Variants in ANKDD1B observed in about 807,000 individuals in gnomAD.
The protein encoded by ANKDD1B is ankyrin repeat and death domain-containing protein 1B.
Under a neutral mutation model 59.7 loss-of-function variants are expected in ANKDD1B, and 57 were observed. That is an observed-to-expected ratio of 0.95 (90% CI 0.77 to 1.19). ANKDD1B has a LOEUF of 1.19. Ranked by LOEUF, ANKDD1B falls within the 50% of genes most tolerant of loss-of-function variation. The pLI is 0.00. For missense variants in ANKDD1B, 602 were observed against 641.9 expected, an observed-to-expected ratio of 0.94 and a Z score of 0.67; for synonymous variants, 216 against 239.5, an observed-to-expected ratio of 0.90 and a Z score of 0.91.
chr5:75,670,760 T>A lies in ANKDD1B; in HGVS notation c.1526-219T>A, dbSNP rs569031944. Among the ~76,000 whole-genome samples the A allele has an allele frequency of 1.1e-4, 17 of 152,332 alleles. No homozygotes were observed. The East Asian group carries it at 2.9e-3, about 26-fold the overall frequency. ...GTATGTGTTCTGACGCAAGGCTGTG[T>A]GAGCTCACTCTTGAACTCCAAAGCT... On this transcript the variant is annotated intron_variant, in intron 13 of 13. Coordinates refer to ENST00000601380, the MANE Select transcript of ANKDD1B (RefSeq NM_001276713.2).
chr5:75,653,492 G>A (rs1243342472), intron 8 of ANKDD1B, among the ~76,000 whole-genome samples: 1 of 152,150 alleles, frequency 6.6e-6, no homozygotes, highest in Non-Finnish European at 1.5e-5. Context: ...ATTTGTATTT[G>A]CCGCAAAAAA....
intron 7 of ANKDD1B, among the ~76,000 whole-genome samples, chr5:75,648,180 C>A (rs1292694412): frequency 9.2e-6 from 1 of 108,816 alleles, no homozygotes; most frequent in Non-Finnish European, 1.8e-5. Context: ...TGCGGCGCAC[C>A]AGCATGGCAC....
chr5:75,632,647 A>T (rs1057087653), intron 5 of ANKDD1B, among the ~76,000 whole-genome samples: 3 of 152,170 alleles, frequency 2.0e-5, no homozygotes, highest in Non-Finnish European at 4.4e-5. Context: ...TCAGGTAACA[A>T]GTGCTCTTTT....
intron 5 of ANKDD1B, among the ~76,000 whole-genome samples, chr5:75,627,790 A>T (rs1399727238): frequency 6.6e-6 from 1 of 152,202 alleles, no homozygotes; most frequent in Admixed American, 6.5e-5. Flanking sequence ...GGGAAGGATC[A>T]GGCAGGCTGA....
chr5:75,638,757 T>C (rs1040058369), intron 7 of ANKDD1B, among the ~76,000 whole-genome samples: 6 of 152,166 alleles, frequency 3.9e-5, no homozygotes, highest in Non-Finnish European at 7.4e-5. Flanking sequence ...CAACTGAGAT[T>C]ACAGGTGTGA....
intron 2 of ANKDD1B, 92 bp downstream of exon 2, chr5:75,616,999 A>T (rs1257208456): frequency 1.6e-6 from 1 of 607,336 alleles, no homozygotes; most frequent in Non-Finnish European, 2.8e-6. Flanking sequence ...AATAAAAATC[A>T]TGGTGCTGGC....
chr5:75,663,283 C>T lies in ANKDD1B; in HGVS notation c.1096-111C>T, dbSNP rs1775207233. On this transcript the variant is annotated intron_variant, in intron 10 of 13. Transcript: ENST00000601380. ...AAGCAAAGGACTGGCCTAAGTTTAC[C>T]CAGCATGGGCTGGTAGAATCAAGAT... 8 of 791,724 alleles carry T rather than the reference C, an allele frequency of 1.0e-5. No homozygotes were observed. In the South Asian group the frequency reaches 1.3e-4, roughly 13 times the overall value. 49.0% of individuals were successfully genotyped at this position (791,724 alleles called of 1,614,324 possible).
At chr5:75,661,873 A>C (rs1775161906) in intron 10 of ANKDD1B, among the ~76,000 whole-genome samples, 1 of 150,736 alleles carries the variant, frequency 6.6e-6, no homozygotes, top group South Asian at 2.1e-4. Context: ...AATGAATAAA[A>C]AATATCTTTT....
At chr5:75,631,860 C>T (rs253408) in intron 5 of ANKDD1B, among the ~76,000 whole-genome samples, 86,083 of 151,884 alleles carry the variant, frequency 0.57, 28,646 homozygotes, top group Non-Finnish European at 0.72. Flanking sequence ...AATCCCAGTA[C>T]TTTGGGAGGC....
chr5:75,619,927 C>T (rs1268642952), intron 2 of ANKDD1B, among the ~76,000 whole-genome samples: 3 of 152,176 alleles, frequency 2.0e-5, no homozygotes, highest in East Asian at 1.9e-4. Flanking sequence ...GGAAAATTTC[C>T]GCTATGCATT....
chr5:75,627,030 TAAG>T (rs775237222), intron 5 of ANKDD1B, among the ~76,000 whole-genome samples: 97 of 152,326 alleles, frequency 6.4e-4, no homozygotes, highest in African/African-American at 1.9e-3. Flanking sequence ...ATATTAATGA[TAAG>T]AAGTATTTCT....
intron 7 of ANKDD1B, among the ~76,000 whole-genome samples, chr5:75,642,441 C>G (rs1774499042): frequency 6.9e-6 from 1 of 143,916 alleles, no homozygotes; most frequent in Non-Finnish European, 1.5e-5. Flanking sequence ...CTGGGAAGCG[C>G]AAGGGGTCAG....
chr5:75,627,485 A>G (rs1774024494), intron 5 of ANKDD1B, among the ~76,000 whole-genome samples: 2 of 152,238 alleles, frequency 1.3e-5, no homozygotes, highest in South Asian at 4.1e-4. Context: ...ACTATAAAGC[A>G]CTTAGCAACA....
intron 2 of ANKDD1B, 30 bp downstream of exon 2, chr5:75,616,937 A>T (rs1773732575): frequency 1.9e-6 from 2 of 1,036,076 alleles, no homozygotes; most frequent in African/African-American, 1.6e-5. Flanking sequence ...ATGACAAGTG[A>T]CTTCTCCAGT....
chr5:75,671,841 G>GTATCAGTT lies in ANKDD1B; in HGVS notation c.*802_*803insATCAGTTT, dbSNP rs1775496520. The GTATCAGTT allele has an allele frequency of 3.8e-5, 1 of 26,210 alleles. No homozygotes were observed. Among genetic ancestry groups the GTATCAGTT allele is most frequent in the African/African-American group, 1.1e-4 (1 of 9,250 alleles). 1.6% of individuals were successfully genotyped at this position (26,210 alleles called of 1,614,324 possible). On this transcript the variant is annotated 3_prime_UTR_variant, in exon 14 of 14. Coordinates refer to ENST00000601380, the MANE Select transcript of ANKDD1B (RefSeq NM_001276713.2). ...AGTTATGAAATAAATGTAAAATTGA[G>GTATCAGTT]TGTCAGTTTATGTGCACCTATTCAT...
At chr5:75,666,707 T>C (rs1377345168) in intron 11 of ANKDD1B, 85 bp from the exon 12 acceptor site, 1 of 994,844 alleles carries the variant, frequency 1.0e-6, no homozygotes, top group Admixed American at 2.1e-5. Context: ...CCTTACTAGT[T>C]ATGTTTGAAA....
chr5:75,640,131 C>T (rs1223151204), intron 7 of ANKDD1B, among the ~76,000 whole-genome samples: 1 of 151,968 alleles, frequency 6.6e-6, no homozygotes, highest in Non-Finnish European at 1.5e-5. Flanking sequence ...GTAGCCACAA[C>T]ATCCTGGGCT....
chr5:75,640,812 T>C (rs926260202), intron 7 of ANKDD1B, among the ~76,000 whole-genome samples: 2 of 152,248 alleles, frequency 1.3e-5, no homozygotes, highest in Non-Finnish European at 2.9e-5. Context: ...AGAATTAATA[T>C]TTATAATATG....
intron 7 of ANKDD1B, among the ~76,000 whole-genome samples, chr5:75,641,278 T>C (rs1168258997): frequency 6.6e-6 from 1 of 152,234 alleles, no homozygotes; most frequent in Non-Finnish European, 1.5e-5. Context: ...GGATTCAAAC[T>C]AATGTCTGAC....
Sources: allele counts gnomAD v4.1 joint callset (sites outside exome capture counted in the v4.1 genomes callset), GRCh38; gene constraint gnomAD v4.1.1; transcripts MANE v1.5; gene names NCBI Gene and HGNC (gene_info 2026-07-23, HGNC 2026-07-21).